The following EXOC3 variants were observed in gnomAD, a reference collection of about 807,000 sequenced individuals.
EXOC3 encodes the protein exocyst complex component 3.
EXOC3 carries 21 observed loss-of-function variants against 73.7 expected under a neutral mutation model. The observed-to-expected ratio is 0.29, with a 90% CI of 0.20 to 0.41. EXOC3 has a LOEUF of 0.41. EXOC3 is among the 10% of genes least tolerant of loss of function. EXOC3 has a pLI of 1.00. For missense variants in EXOC3, 842 were observed against 985.1 expected (o/e 0.85, Z 1.95); for synonymous variants, 410 against 389.1 (o/e 1.05, Z -0.63).
chr5:462,425 G>C, intron 9 of EXOC3, 118 bp downstream of exon 9: 1 of 1,167,268 alleles, frequency 8.6e-7, no homozygotes, highest in Non-Finnish European at 1.2e-6. Context: ...GAGCCGGGCT[G>C]TGCACTTGCA....
intron 4 of EXOC3, among the ~76,000 whole-genome samples, chr5:456,033 G>A (rs1172568174): frequency 1.3e-5 from 2 of 152,136 alleles, no homozygotes; most frequent in African/African-American, 4.8e-5. Context: ...TGTATTGTAC[G>A]TTCCAGTCAT....
At chr5:466,361 G>T in intron 12 of EXOC3, 1 of 265,630 alleles carries the variant, frequency 3.8e-6, no homozygotes, top group Non-Finnish European at 7.2e-6. Context: ...CTGTCTCAGG[G>T]CACCTGCCAC....
At chr5:451,112 A>G (rs1178751182) in intron 3 of EXOC3, among the ~76,000 whole-genome samples, 1 of 151,954 alleles carries the variant, frequency 6.6e-6, no homozygotes, top group African/African-American at 2.4e-5. Flanking sequence ...ATGCGGTATA[A>G]CATTTTTGTC....
intron 7 of EXOC3, 133 bp from the exon 8 acceptor site, chr5:461,826 GT>G: frequency 1.6e-6 from 1 of 640,632 alleles, no homozygotes; most frequent in South Asian, 1.9e-5. Flanking sequence ...TCTAAAGATT[GT>G]TTTATTTTTA....
At chr5:443,935 G>A (rs904056517) in intron 1 of EXOC3, among the ~76,000 whole-genome samples, 11 of 151,636 alleles carry the variant, frequency 7.3e-5, no homozygotes, top group African/African-American at 2.2e-4. Flanking sequence ...TCAAGGTGCA[G>A]GTGTCCTCCA....
chr5:465,649 C>A, intron 11 of EXOC3, 69 bp from the exon 12 acceptor site: 12 of 1,593,514 alleles, frequency 7.5e-6, no homozygotes, highest in Non-Finnish European at 1.0e-5. Flanking sequence ...GGGGCTCAGC[C>A]AGAATCCAGC....
chr5:466,339 C>G (rs1300299814), intron 12 of EXOC3: 2 of 264,330 alleles, frequency 7.6e-6, no homozygotes, highest in Non-Finnish European at 1.4e-5. Context: ...CCCAGGCCAG[C>G]CTTTGCGGCC....
At chr5:443,314 G>A (rs1367340281) in intron 1 of EXOC3, 24 bp downstream of exon 1, 2 of 150,076 alleles carry the variant, frequency 1.3e-5, no homozygotes, top group African/African-American at 4.9e-5. Flanking sequence ...AGGTCCTGAC[G>A]GCCGGCGGGT....
At chr5:457,749 C>G (rs1579740678) in intron 5 of EXOC3, 151 bp from the exon 6 acceptor site, 1 of 794,500 alleles carries the variant, frequency 1.3e-6, no homozygotes, top group Admixed American at 2.9e-5. Flanking sequence ...CTCCTGGGTC[C>G]CTGCTCTGGA....
chr5:448,688 G>A lies in EXOC3; in HGVS notation c.364+936G>A, dbSNP rs186261344. On this transcript the variant is annotated intron_variant, in intron 3 of 12. Coordinates refer to ENST00000512944, the MANE Select transcript of EXOC3 (RefSeq NM_007277.5). ...CTCCTGAGGCCACGTGTGAATTGGC[G>A]CGGTTCTCCCCAGCTGCCCACAGCG... 1.8e-3 allele frequency among the ~76,000 whole-genome samples: 271 copies of A among 152,302 alleles called. 1 individual carries two copies. Among genetic ancestry groups the A allele is most frequent in the African/African-American group, 6.1e-3 (254 of 41,566 alleles).
At chr5:463,341 A>G (rs1738043692) in intron 9 of EXOC3, among the ~76,000 whole-genome samples, 1 of 152,226 alleles carries the variant, frequency 6.6e-6, no homozygotes, top group Admixed American at 6.5e-5. Context: ...TAAAAAGAAT[A>G]TATAGAAAAA....
chr5:464,899 T>G (rs1312676449), intron 10 of EXOC3: 2 of 596,028 alleles, frequency 3.4e-6, no homozygotes, highest in Non-Finnish European at 5.8e-6. Context: ...GGGCCGGAGC[T>G]GGCCTGGTGC....
rs1214295341 is a variant in EXOC3 at position 453,985 on chromosome 5, C to T, written c.980C>T (p.Ala327Val). 6.2e-7 allele frequency: 1 copy of T among 1,613,800 alleles called. No individual in the cohort carries two copies. The highest frequency in any genetic ancestry group is 1.1e-5 in the South Asian group (1 of 91,038). Residue 327 changes from alanine to valine, a missense_variant, in exon 4 of 13, where the codon GCA (alanine) becomes GTA (valine). By Grantham distance (64) the Ala-to-Val change is moderately conservative. Transcript: ENST00000512944. ...QALSTRMQDL[A>V]SEDLEANEIV... ...CTGAGCACGCGGATGCAGGACCTCGCATCGGAAGACCTGGAAGCCAATGAG... is the reference window on the plus strand; with the variant it reads ...CTGAGCACGCGGATGCAGGACCTCGTATCGGAAGACCTGGAAGCCAATGAG...
At position 453,839 on chromosome 5, in the gene EXOC3, C is replaced by G; in HGVS notation, c.834C>G (p.His278Gln). ...CTGACAAGATGTGGCTTGTCCGCCA[C>G]CTGGAAATTATAAGGAAGTACGTCC... ...RESDKMWLVR[H>Q]LEIIRKYVLD... Residue 278 changes from histidine (H) to glutamine (Q), a missense_variant, in exon 4 of 13, where the codon CAC (histidine) becomes CAG (glutamine). Transcript: ENST00000512944. 6.2e-7 allele frequency: 1 copy of G among 1,613,854 alleles called. No individual in the cohort carries two copies.
intron 1 of EXOC3, among the ~76,000 whole-genome samples, chr5:444,753 G>A (rs1737454431): frequency 6.6e-6 from 1 of 151,950 alleles, no homozygotes; most frequent in African/African-American, 2.4e-5. Flanking sequence ...CCCCTGAGTG[G>A]TGGGATATAG....
At chr5:461,929 T>G in intron 7 of EXOC3, 31 bp from the exon 8 acceptor site, 1 of 1,499,138 alleles carries the variant, frequency 6.7e-7, no homozygotes, top group Non-Finnish European at 9.1e-7. Context: ...TTGCCCTTAG[T>G]GCTGTCTGAC....
In EXOC3 at chr5:453,448, T is replaced by G; in HGVS notation, c.443T>G (p.Leu148Arg). The G allele has an allele frequency of 6.2e-7, 1 of 1,611,694 alleles. No individual in the cohort carries two copies. The highest frequency in any genetic ancestry group is 8.5e-7 in the Non-Finnish European group (1 of 1,178,820). The change falls in exon 4 of 13, where the codon CTG (leucine) becomes CGG (arginine). Residue 148 changes from leucine to arginine, a missense_variant. Coordinates refer to ENST00000512944, the MANE Select transcript of EXOC3 (RefSeq NM_007277.5). ...CAAGCCCACCGGAAGCTGATGGACCTGGAGTGCTCCCGGGACGGGCTGATG... is the reference window on the plus strand; with the variant it reads ...CAAGCCCACCGGAAGCTGATGGACCGGGAGTGCTCCCGGGACGGGCTGATG... ...LLQAHRKLMDLECSRDGLMYE... is the reference protein window; with the variant it reads ...LLQAHRKLMDRECSRDGLMYE...
intron 3 of EXOC3, among the ~76,000 whole-genome samples, chr5:449,913 G>A (rs1737606615): frequency 6.6e-6 from 1 of 152,196 alleles, no homozygotes; most frequent in Admixed American, 6.5e-5. Flanking sequence ...TGAGGTTTCT[G>A]ATTCGTCTGC....
At chr5:462,616 G>GCA (rs938256083) in intron 9 of EXOC3, 5 of 364,028 alleles carry the variant, frequency 1.4e-5, no homozygotes, top group East Asian at 9.6e-5. Flanking sequence ...AATTGAGAGT[G>GCA]CACACACACA....
Sources: gnomAD v4.1 joint callset for allele counts (sites outside exome capture counted in the v4.1 genomes callset) on GRCh38, gnomAD v4.1.1 for gene constraint, MANE v1.5 for transcripts, NCBI Gene and HGNC (gene_info 2026-07-23, HGNC 2026-07-21) for gene names.